The following DDX59 variants were observed in gnomAD, a reference collection of about 807,000 sequenced individuals.
DDX59 encodes the protein DEAD-box helicase 59, also known as probable ATP-dependent RNA helicase DDX59.
DDX59 carries 30 observed loss-of-function variants against 51.9 expected under a neutral mutation model. That is an observed-to-expected ratio of 0.58 (90% confidence interval 0.43 to 0.78). DDX59 has a LOEUF of 0.78. Among genes scored for constraint, DDX59 ranks in the 30% least tolerant of loss-of-function variants. The pLI, the probability that DDX59 is intolerant of heterozygous loss-of-function variation, is 0.00. For synonymous variants in DDX59, 255 were observed against 253.3 expected, an observed-to-expected ratio of 1.01 and a Z score of -0.06; for missense variants, 672 against 730.8, an observed-to-expected ratio of 0.92 and a Z score of 0.93.
At chr1:200,641,130 T>C (rs1292164783), downstream of DDX59, 2 of 1,290,496 alleles carry the variant, frequency 1.5e-6, no homozygotes, top group Non-Finnish European at 2.0e-6. Context: ...ACACGTTACC[T>C]CTTGTACCAT....
intron 4 of DDX59, among the ~76,000 whole-genome samples, chr1:200,656,404 AT>A (rs1233581326): frequency 6.6e-6 from 1 of 152,186 alleles, no homozygotes; most frequent in Non-Finnish European, 1.5e-5. Flanking sequence ...ACTTCAGTAT[AT>A]GTATCTTTTC....
downstream of DDX59, chr1:200,640,954 A>T (rs932707578): frequency 4.3e-6 from 1 of 231,000 alleles, no homozygotes; most frequent in Non-Finnish European, 9.7e-6. Context: ...TCTCACACTA[A>T]CAGTAGAACA....
Position 200,659,095 on chromosome 1 carries a change from G to A in DDX59, c.994C>T (p.Arg332Ter), listed in dbSNP as rs1404209924. The change falls in exon 4 of 8, where the codon CGA becomes TGA. Residue 332 changes from arginine to a stop codon, truncating the protein, a stop_gained. Coordinates refer to ENST00000331314, the MANE Select transcript of DDX59 (RefSeq NM_001031725.6). LOFTEE classifies it high-confidence loss of function. ...HVKVIIATPG[R>*]LLDIIKQSSV... The stretch of plus-strand genomic sequence containing the variant: ...CTCTGCTTTATTATATCCAGAAGTC[G>A]CCCAGGGGTTGCTATGATAACCTAA... 9.3e-6 allele frequency: 15 copies of A among 1,613,096 alleles called. No individual in the cohort carries two copies. Among genetic ancestry groups the A allele is most frequent in the Admixed American group, 3.3e-5 (2 of 59,916 alleles).
At chr1:200,656,362 A>G (rs1662021631) in intron 4 of DDX59, among the ~76,000 whole-genome samples, 4 of 152,178 alleles carry the variant, frequency 2.6e-5, no homozygotes, top group Admixed American at 2.6e-4. Flanking sequence ...GTACTTTTGT[A>G]TCTCTGTACA....
In DDX59 at chr1:200,666,788, A is replaced by G. The variant is rs185046992; in HGVS notation, c.-11-37T>C. ...ATTATATAATGAGATTTATTGTACC[A>G]TTAATAAAGTTCACATATAAAGTAC... On this transcript the variant is annotated intron_variant, in intron 1 of 7. Transcript: ENST00000331314. 969 of 1,552,040 alleles carry G rather than the reference A, an allele frequency of 6.2e-4. 7 individuals carry two copies. The African/African-American group carries it at 0.012, about 19-fold the overall frequency.
At chr1:200,654,971 T>C (rs1053604048) in intron 4 of DDX59, 6 of 152,220 alleles carry the variant, frequency 3.9e-5, no homozygotes, top group Non-Finnish European at 5.9e-5. Context: ...CCTCTGTTTC[T>C]GCTCATTTCT....
intron 3 of DDX59, among the ~76,000 whole-genome samples, 161 bp from the exon 4 acceptor site, chr1:200,659,277 G>A (rs933458201): frequency 2.0e-5 from 3 of 152,170 alleles, no homozygotes; most frequent in African/African-American, 7.2e-5. Context: ...CATGAAACTT[G>A]TAATACAAAG....
intron 5 of DDX59, among the ~76,000 whole-genome samples, chr1:200,649,902 G>A (rs796080671): frequency 6.0e-5 from 9 of 150,548 alleles, no homozygotes; most frequent in African/African-American, 2.2e-4. Flanking sequence ...GAGTGCAGTG[G>A]CGCAATCTCA....
At chr1:200,648,873 A>G (rs1212782407) in intron 6 of DDX59, among the ~76,000 whole-genome samples, 2 of 152,182 alleles carry the variant, frequency 1.3e-5, no homozygotes, top group Non-Finnish European at 2.9e-5. Context: ...TTTAGTATAT[A>G]TTCCCTAGAG....
intron 3 of DDX59, among the ~76,000 whole-genome samples, chr1:200,662,012 T>C (rs1159107697): frequency 6.6e-6 from 1 of 152,170 alleles, no homozygotes; most frequent in African/African-American, 2.4e-5. Context: ...TTCCTCCTGC[T>C]CTGGCCACGT....
chr1:200,666,624 A>G lies in DDX59; in HGVS notation c.117T>C (p.Asp39=). The G allele has an allele frequency of 6.2e-7, 1 of 1,614,174 alleles. No homozygotes were observed. Among genetic ancestry groups the G allele is most frequent in the South Asian group, 1.1e-5 (1 of 91,086 alleles). Residue 39 remains aspartate, a synonymous_variant, in exon 2 of 8, where the codon GAT becomes GAC. Transcript: ENST00000331314. The stretch of plus-strand genomic sequence containing the variant: ...CTGTAGCTACAGCATCAACGGGAAC[A>G]TCTCTGCTTTTGTCCAACTGAAGGT... The part of the protein sequence containing the change: ...PEDLQLDKSR[D]VPVDAVATEA...
intron 7 of DDX59, among the ~76,000 whole-genome samples, chr1:200,647,446 A>G (rs542286244): frequency 6.6e-6 from 1 of 152,288 alleles, no homozygotes; most frequent in African/African-American, 2.4e-5. Flanking sequence ...ATCTTTTTAA[A>G]CAAAACTTTT....
chr1:200,654,471 CA>C (rs1661887404), intron 4 of DDX59: 2 of 152,076 alleles, frequency 1.3e-5, no homozygotes, highest in Admixed American at 1.3e-4. Context: ...TTCCTGGCTC[CA>C]ACTCACACCT....
intron 7 of DDX59, among the ~76,000 whole-genome samples, chr1:200,646,231 G>A (rs1661283822): frequency 6.6e-6 from 1 of 152,068 alleles, no homozygotes; most frequent in Non-Finnish European, 1.5e-5. Flanking sequence ...CTACTCAGGA[G>A]GCTGAGATGG....
Position 200,663,984 on chromosome 1 carries a change from T to C in DDX59, c.907A>G (p.Thr303Ala), listed in dbSNP as rs2102918212. 1 of 1,614,178 alleles carries C rather than the reference T, an allele frequency of 6.2e-7. No individual in the cohort carries two copies. The highest frequency in any genetic ancestry group is 2.2e-5 in the East Asian group (1 of 44,880). Reference protein sequence around the residue: ...ELMSGLPRMKTVLLVGGLPLP... With the variant: ...ELMSGLPRMKAVLLVGGLPLP... ...GGTAAGCCCCCTACAAGAAGCACAG[T>C]TTTCATGCGTGGCAGGCCACTCATC... Residue 303 changes from threonine (T) to alanine (A), a missense_variant, in exon 3 of 8, where the codon ACT (threonine) becomes GCT (alanine). Coordinates refer to ENST00000331314, the MANE Select transcript of DDX59 (RefSeq NM_001031725.6).
chr1:200,664,232 G>A, intron 2 of DDX59, 146 bp from the exon 3 acceptor site: 1 of 788,852 alleles, frequency 1.3e-6, no homozygotes, highest in Non-Finnish European at 1.9e-6. Context: ...GCTTACTGCA[G>A]ACTTTTTTCC....
Position 200,644,150 on chromosome 1 carries a change from AAT to A in DDX59, c.*102_*103del, listed in dbSNP as rs1318557743. On this transcript the variant is annotated 3_prime_UTR_variant, in exon 8 of 8. Transcript: ENST00000331314. The stretch of plus-strand genomic sequence containing the variant: ...GTTATATAAATTTTATTAAATTAAA[AAT>A]ATCTTAAAATTTTTAAAATTCATGT... 4.4e-6 allele frequency: 4 copies of A among 918,332 alleles called. No individual in the cohort carries two copies. The highest frequency in any genetic ancestry group is 4.2e-6 in the Non-Finnish European group (3 of 707,592). The allele number at this position is 918,332 out of a possible 1,614,324, so 56.9% of individuals were successfully genotyped here. A position where few individuals can be genotyped will look rare whatever the true frequency, so the allele number is the denominator to read the frequency against.
downstream of DDX59, among the ~76,000 whole-genome samples, chr1:200,643,329 T>C (rs890327819): frequency 6.6e-6 from 1 of 152,042 alleles, no homozygotes; most frequent in African/African-American, 2.4e-5. Flanking sequence ...ATGCTGTTTT[T>C]CTGGCCATGC....
At chr1:200,658,433 G>A (rs1662170837) in intron 4 of DDX59, among the ~76,000 whole-genome samples, 1 of 152,166 alleles carries the variant, frequency 6.6e-6, no homozygotes, top group African/African-American at 2.4e-5. Context: ...GGTGGTTCAT[G>A]CCTATAATCC....
Sources: allele counts gnomAD v4.1 joint callset (sites outside exome capture counted in the v4.1 genomes callset), GRCh38; gene constraint gnomAD v4.1.1; transcripts MANE v1.5; gene names NCBI Gene and HGNC (gene_info 2026-07-23, HGNC 2026-07-21).